The following RALGAPB variants were observed in gnomAD, a reference collection of about 807,000 sequenced individuals.
RALGAPB encodes Ral GTPase activating protein non-catalytic subunit beta, also known as ral GTPase-activating protein subunit beta.
RALGAPB carries 25 observed loss-of-function variants against 161.1 expected under a neutral mutation model. The ratio of observed to expected loss-of-function variants is 0.16; its 90% CI spans 0.11 to 0.22. The LOEUF (loss-of-function observed/expected upper bound fraction) is 0.22. Among genes scored for constraint, RALGAPB ranks in the 10% least tolerant of loss-of-function variants. The pLI is 1.00. For synonymous variants in RALGAPB, 629 were observed against 626.1 expected (o/e 1.00, Z -0.07); for missense variants, 1,391 against 1,815.2 (o/e 0.77, Z 4.25).
rs1358915233 is a variant in RALGAPB, at chr20:38,576,375, G to A, written c.*1408G>A. ...AACCATCTGTTTGGTTTGATGTTTTGGTGGTTTACTTACGGAGTGGGGATA... is the reference window on the plus strand; with the variant it reads ...AACCATCTGTTTGGTTTGATGTTTTAGTGGTTTACTTACGGAGTGGGGATA... On this transcript the variant is annotated 3_prime_UTR_variant, in exon 30 of 30. Coordinates refer to ENST00000262879, the MANE Select transcript of RALGAPB (RefSeq NM_020336.4). The A allele has an allele frequency of 6.6e-6, 1 of 152,608 alleles. No individual in the cohort carries two copies. The allele number at this position is 152,608 out of a possible 1,614,324, so 9.5% of individuals were successfully genotyped here. A position where few individuals can be genotyped will look rare whatever the true frequency, so the allele number is the denominator to read the frequency against.
intron 2 of RALGAPB, 32 bp downstream of exon 2, chr20:38,488,650 G>GA: frequency 6.4e-7 from 1 of 1,568,838 alleles, no homozygotes; most frequent in South Asian, 1.2e-5. Flanking sequence ...TCTCTTATAT[G>GA]AAAATGTACA....
rs2087955959 is a variant in RALGAPB, at chr20:38,565,348, T to G, written c.3698-11T>G. 6.2e-7 allele frequency: 1 copy of G among 1,612,826 alleles called. No individual in the cohort carries two copies. The highest frequency in any genetic ancestry group is 8.5e-7 in the Non-Finnish European group (1 of 1,179,338). On this transcript the variant is annotated splice_polypyrimidine_tract_variant and intron_variant, in intron 24 of 29. Coordinates refer to ENST00000262879, the MANE Select transcript of RALGAPB (RefSeq NM_020336.4). The stretch of plus-strand genomic sequence containing the variant: ...TTGAAGCGGTAATGTAGTGTTTCTT[T>G]TTCCCAGAAGAAGTGATTTCCTCTG...
At chr20:38,479,837 C>T (rs995515554) in intron 1 of RALGAPB, among the ~76,000 whole-genome samples, 39 of 152,148 alleles carry the variant, frequency 2.6e-4, no homozygotes, top group African/African-American at 9.2e-4. Flanking sequence ...CCCCCCTGAC[C>T]GCCCTCAACC....
At chr20:38,495,110 C>G (rs1223072671) in intron 3 of RALGAPB, among the ~76,000 whole-genome samples, 1 of 152,186 alleles carries the variant, frequency 6.6e-6, no homozygotes, top group Non-Finnish European at 1.5e-5. Context: ...GTGTTATGAT[C>G]TCATCTCCCA....
chr20:38,505,508 C>T (rs1358966648), intron 5 of RALGAPB, among the ~76,000 whole-genome samples: 1 of 152,020 alleles, frequency 6.6e-6, no homozygotes, highest in African/African-American at 2.4e-5. Flanking sequence ...ATGCAGTATA[C>T]CCAGATAACC....
At chr20:38,474,383 G>A (rs561927066) in intron 1 of RALGAPB, among the ~76,000 whole-genome samples, 1 of 152,042 alleles carries the variant, frequency 6.6e-6, no homozygotes, top group Non-Finnish European at 1.5e-5. Flanking sequence ...TCCGCCTCCT[G>A]AGCTCAAGCA....
intron 4 of RALGAPB, 25 bp from the exon 5 acceptor site, chr20:38,499,422 G>A (rs1393496328): frequency 6.4e-7 from 1 of 1,554,662 alleles, no homozygotes; most frequent in Non-Finnish European, 8.7e-7. Context: ...GTTTGCCAAA[G>A]ATGTGTTTTC....
At chr20:38,553,234 G>C (rs1001806003) in intron 21 of RALGAPB, among the ~76,000 whole-genome samples, 1 of 152,196 alleles carries the variant, frequency 6.6e-6, no homozygotes, top group Non-Finnish European at 1.5e-5. Context: ...TTCTGAGCCA[G>C]GTTGTTAGAA....
Position 38,492,968 on chromosome 20 carries a change from C to G in RALGAPB, c.225C>G (p.Thr75=). 1 of 1,612,378 alleles carries G rather than the reference C, an allele frequency of 6.2e-7. No homozygotes were observed. Among genetic ancestry groups the G allele is most frequent in the Non-Finnish European group, 8.5e-7 (1 of 1,178,660 alleles). Reference sequence around the variant, plus strand: ...TGGAAGTAATTTGCTATGGACTGACCCTTCCATTGGATGGAGAGACTGTAA... The same window carrying G: ...TGGAAGTAATTTGCTATGGACTGACGCTTCCATTGGATGGAGAGACTGTAA... ...WTMEVICYGL[T]LPLDGETVKY... The change falls in exon 3 of 30, where the codon ACC becomes ACG. Residue 75 remains threonine, a synonymous_variant. Transcript: ENST00000262879.
chr20:38,511,952 G>A (rs1346610051), intron 6 of RALGAPB, among the ~76,000 whole-genome samples: 3 of 151,974 alleles, frequency 2.0e-5, no homozygotes, highest in East Asian at 3.9e-4. Flanking sequence ...GCGGCCGGGC[G>A]GGGGCTGCCC....
chr20:38,552,720 C>T (rs551295551), intron 21 of RALGAPB, among the ~76,000 whole-genome samples: 16 of 152,276 alleles, frequency 1.1e-4, no homozygotes, highest in African/African-American at 3.1e-4. Context: ...AATCCTGGTT[C>T]TTGGCAGTGT....
intron 21 of RALGAPB, among the ~76,000 whole-genome samples, chr20:38,552,140 A>ATTTT (rs11482026): frequency 6.9e-6 from 1 of 144,860 alleles, no homozygotes. Flanking sequence ...GAAAAGGCTG[A>ATTTT]TTTTTTTTTT....
chr20:38,518,631 A>G (rs1205912580), intron 9 of RALGAPB, among the ~76,000 whole-genome samples: 1 of 152,186 alleles, frequency 6.6e-6, no homozygotes, highest in African/African-American at 2.4e-5. Context: ...CTTAACTATT[A>G]TATTTGAAAG....
chr20:38,565,251 A>G (rs981084326), intron 24 of RALGAPB, 108 bp from the exon 25 acceptor site: 2 of 1,287,072 alleles, frequency 1.6e-6, no homozygotes, highest in African/African-American at 1.5e-5. Flanking sequence ...TTGAAAACAT[A>G]TATTCTATTT....
intron 9 of RALGAPB, among the ~76,000 whole-genome samples, chr20:38,518,360 A>C (rs1175882679): frequency 6.6e-6 from 1 of 152,256 alleles, no homozygotes. Flanking sequence ...CTGGAAATTT[A>C]CAAGAAGTGT....
chr20:38,495,799 C>CCT (rs1384675379), intron 3 of RALGAPB, among the ~76,000 whole-genome samples: 1 of 151,976 alleles, frequency 6.6e-6, no homozygotes, highest in Non-Finnish European at 1.5e-5. Context: ...TTGGACCCTG[C>CCT]CTCTGAATTT....
chr20:38,519,343 GTTTATA>G (rs1381408783), intron 9 of RALGAPB, among the ~76,000 whole-genome samples: 2 of 152,048 alleles, frequency 1.3e-5, no homozygotes, highest in Admixed American at 1.3e-4. Flanking sequence ...TCTGTACCAT[GTTTATA>G]TTTATTAATT....
intron 16 of RALGAPB, among the ~76,000 whole-genome samples, chr20:38,536,446 T>C (rs1334054923): frequency 6.6e-6 from 1 of 152,222 alleles, no homozygotes; most frequent in Non-Finnish European, 1.5e-5. Flanking sequence ...TATGTACATG[T>C]ATTTGTTTGA....
chr20:38,572,972 G>A lies in RALGAPB; in HGVS notation c.4143-1178G>A, dbSNP rs189352314. Among the ~76,000 whole-genome samples, 644 of 151,910 alleles carry A rather than the reference G, an allele frequency of 4.2e-3. 6 individuals are homozygous for A. Among genetic ancestry groups the A allele is most frequent in the Non-Finnish European group, 6.0e-3 (406 of 67,976 alleles). On this transcript the variant is annotated intron_variant, in intron 28 of 29. Transcript: ENST00000262879. The stretch of plus-strand genomic sequence containing the variant: ...TCTGGAACAGTCCTTTTTTCTTTAT[G>A]ACACTAACTTGCTAAAGAAGAGACT...
Sources: allele counts gnomAD v4.1 joint callset (sites outside exome capture counted in the v4.1 genomes callset), GRCh38; gene constraint gnomAD v4.1.1; transcripts MANE v1.5; gene names NCBI Gene and HGNC (gene_info 2026-07-23, HGNC 2026-07-21).